Variants in USP34 observed in about 807,000 individuals in gnomAD.
USP34 encodes the protein ubiquitin carboxyl-terminal hydrolase 34.
Under a neutral mutation model 460.3 loss-of-function variants are expected in USP34, and 70 were observed. That is an observed-to-expected ratio of 0.15 (90% CI 0.13 to 0.19). The LOEUF is 0.19. USP34 is among the 10% of genes least tolerant of loss of function. The probability of loss-of-function intolerance (pLI) is 1.00; values close to 1 mark genes in which losing one functional copy is unlikely to be tolerated. For missense variants in USP34, 3,985 were observed against 4,236.2 expected, an observed-to-expected ratio of 0.94 and a Z score of 1.65; for synonymous variants, 1,647 against 1,405.3, an observed-to-expected ratio of 1.17 and a Z score of -3.85.
chr2:61,441,855 A>C (rs1441895425), intron 1 of USP34, among the ~76,000 whole-genome samples: 1 of 151,856 alleles, frequency 6.6e-6, no homozygotes, highest in Non-Finnish European at 1.5e-5. Flanking sequence ...AGGAAGAAAA[A>C]AGAAAAGACC....
Position 61,188,411 on chromosome 2 carries a change from A to G in USP34, c.10332T>C (p.Tyr3444=), listed in dbSNP as rs775656101. Residue 3444 remains tyrosine, a synonymous_variant, in exon 80 of 80, where the codon TAT becomes TAC. Coordinates refer to ENST00000398571, the MANE Select transcript of USP34 (RefSeq NM_014709.4). The part of the protein sequence containing the change: ...HAEEQSNNGR[Y]DDCKEFKDLH... Reference sequence around the variant, plus strand: ...GGTCTTTAAATTCTTTACAATCGTCATATCTACCATTGTTGGACTGTTCTT... The same window carrying G: ...GGTCTTTAAATTCTTTACAATCGTCGTATCTACCATTGTTGGACTGTTCTT... 42 of 1,614,094 alleles carry G rather than the reference A, an allele frequency of 2.6e-5. No homozygotes were observed. The Admixed American group carries it at 2.8e-4, about 11-fold the overall frequency.
chr2:61,418,553 T>C (rs973296927), intron 2 of USP34, among the ~76,000 whole-genome samples: 1 of 152,238 alleles, frequency 6.6e-6, no homozygotes, highest in African/African-American at 2.4e-5. Context: ...GGTTCACTTA[T>C]GGACTCACTT....
At chr2:61,375,599 C>G (rs940060968) in intron 8 of USP34, among the ~76,000 whole-genome samples, 2 of 151,880 alleles carry the variant, frequency 1.3e-5, no homozygotes, top group African/African-American at 4.8e-5. Flanking sequence ...GAAACCCCGT[C>G]TCTACTAAAA....
chr2:61,410,774 G>A (rs918739114), intron 2 of USP34, among the ~76,000 whole-genome samples: 3 of 152,000 alleles, frequency 2.0e-5, no homozygotes, highest in Non-Finnish European at 4.4e-5. Flanking sequence ...TTGAGTGACA[G>A]AAAAGGGAAA....
In USP34 at chr2:61,261,036, G is replaced by A. The variant is rs189099350; in HGVS notation, c.5779-1260C>T. On this transcript the variant is annotated intron_variant, in intron 43 of 79. Transcript: ENST00000398571. ...AACAGAAAATGTCAAGTGTTAGCAA[G>A]GACGTCGAGAAATTAAACCCTTATG... 3.3e-5 allele frequency among the ~76,000 whole-genome samples: 5 copies of A among 152,296 alleles called. No individual in the cohort carries two copies. The East Asian group carries it at 9.6e-4, about 29-fold the overall frequency.
At chr2:61,349,153 C>G in intron 13 of USP34, 97 bp downstream of exon 13, 1 of 1,404,584 alleles carries the variant, frequency 7.1e-7, no homozygotes, top group Non-Finnish European at 9.7e-7. Context: ...AACTTTATGA[C>G]TGATACAAAT....
At chr2:61,260,221 A>G (rs1453747758) in intron 43 of USP34, among the ~76,000 whole-genome samples, 1 of 152,234 alleles carries the variant, frequency 6.6e-6, no homozygotes, top group African/African-American at 2.4e-5. Context: ...TTCACACTGA[A>G]GAGGAATACC....
intron 3 of USP34, among the ~76,000 whole-genome samples, chr2:61,399,665 G>A (rs1051164391): frequency 2.0e-5 from 3 of 151,880 alleles, no homozygotes; most frequent in African/African-American, 7.3e-5. Context: ...GAGGCCAAGA[G>A]TTGGAGATCA....
intron 8 of USP34, among the ~76,000 whole-genome samples, chr2:61,370,896 C>T (rs930433413): frequency 1.3e-5 from 2 of 152,140 alleles, no homozygotes; most frequent in African/African-American, 2.4e-5. Flanking sequence ...TTTTTAATTT[C>T]CACAGTATGT....
At position 61,301,198 on chromosome 2, in the gene USP34, C is replaced by T. The variant is rs763439846; in HGVS notation, c.3919-38G>A. 5 of 1,563,644 alleles carry T rather than the reference C, an allele frequency of 3.2e-6. No homozygotes were observed. The Admixed American group carries it at 8.1e-5, about 25-fold the overall frequency. ...GGAAAAAAAATTTATGCATATCAAG[C>T]TTTTAGTTTAATAAAACGGTAAATC... On this transcript the variant is annotated intron_variant, in intron 28 of 79. Transcript: ENST00000398571.
chr2:61,426,698 G>C (rs1201795042), intron 1 of USP34, among the ~76,000 whole-genome samples: 1 of 152,172 alleles, frequency 6.6e-6, no homozygotes, highest in Non-Finnish European at 1.5e-5. Flanking sequence ...CACAGCACCA[G>C]GGCCTTCAGC....
chr2:61,412,189 CAAAAAAA>C (rs10581550), intron 2 of USP34, among the ~76,000 whole-genome samples: 8 of 92,126 alleles, frequency 8.7e-5, no homozygotes, highest in African/African-American at 1.7e-4. Context: ...AACTCCATCT[CAAAAAAA>C]AAAAAAAAAA....
At chr2:61,208,765 T>G in intron 70 of USP34, 134 bp downstream of exon 70, 1 of 456,612 alleles carries the variant, frequency 2.2e-6, no homozygotes, top group Non-Finnish European at 3.8e-6. Context: ...AAATTCAGGT[T>G]TACTGATCTA....
chr2:61,467,476 T>G (rs1219444920), intron 1 of USP34, among the ~76,000 whole-genome samples: 3 of 151,760 alleles, frequency 2.0e-5, no homozygotes, highest in Non-Finnish European at 4.4e-5. Context: ...TTAATACTAA[T>G]TACGTATTTT....
chr2:61,301,233 G>A, intron 28 of USP34, 73 bp from the exon 29 acceptor site: 1 of 1,526,166 alleles, frequency 6.6e-7, no homozygotes, highest in Non-Finnish European at 8.8e-7. Flanking sequence ...CTGAAGTATA[G>A]AATCACTTAA....
At chr2:61,410,028 G>A (rs1176558826) in intron 2 of USP34, among the ~76,000 whole-genome samples, 1 of 152,176 alleles carries the variant, frequency 6.6e-6, no homozygotes, top group Non-Finnish European at 1.5e-5. Context: ...GTTTCCCTCT[G>A]TGTATCAATG....
chr2:61,267,241 T>C (rs1366064064), intron 41 of USP34, among the ~76,000 whole-genome samples: 1 of 152,140 alleles, frequency 6.6e-6, no homozygotes, highest in Non-Finnish European at 1.5e-5. Flanking sequence ...TATAACTATA[T>C]GCTGAGTCCT....
chr2:61,240,878 A>C (rs1353206010), intron 53 of USP34, among the ~76,000 whole-genome samples: 1 of 152,122 alleles, frequency 6.6e-6, no homozygotes, highest in Non-Finnish European at 1.5e-5. Flanking sequence ...CTGGGTGTAA[A>C]ATACATTTTA....
chr2:61,443,493 T>TAA (rs59059487), intron 1 of USP34, among the ~76,000 whole-genome samples: 3,222 of 147,598 alleles, frequency 0.022, 64 homozygotes, highest in African/African-American at 0.049. Flanking sequence ...GCAGATGTGT[T>TAA]AAAAAAAAAA....
Sources: gnomAD v4.1 joint callset for allele counts (sites outside exome capture counted in the v4.1 genomes callset) on GRCh38, gnomAD v4.1.1 for gene constraint, MANE v1.5 for transcripts, NCBI Gene and HGNC (gene_info 2026-07-23, HGNC 2026-07-21) for gene names.